The following EPRS1 variants were observed in gnomAD, a reference collection of about 807,000 sequenced individuals.
EPRS1 encodes bifunctional glutamate/proline--tRNA ligase.
In EPRS1, 107 loss-of-function variants were observed where a neutral mutation model predicts 188.3. The ratio of observed to expected loss-of-function variants is 0.57; its 90% confidence interval spans 0.49 to 0.67. The LOEUF (loss-of-function observed/expected upper bound fraction) is 0.67, where lower values mean the gene tolerates loss of function less well. Among genes scored for constraint, EPRS1 ranks in the 30% least tolerant of loss-of-function variants. The probability of loss-of-function intolerance (pLI) is 0.00; values close to 1 mark genes in which losing one functional copy is unlikely to be tolerated. For missense variants in EPRS1, 1,577 were observed against 1,802.2 expected (o/e 0.88, Z 2.26); for synonymous variants, 596 against 593.1 (o/e 1.00, Z -0.07).
In EPRS1 at chr1:220,022,329, T is replaced by A; in HGVS notation, c.1115+18A>T. 6.2e-7 allele frequency: 1 copy of A among 1,602,500 alleles called. No individual in the cohort carries two copies. Among genetic ancestry groups the A allele is most frequent in the Non-Finnish European group, 8.5e-7 (1 of 1,172,564 alleles). On this transcript the variant is annotated intron_variant, in intron 9 of 31. Coordinates refer to ENST00000366923, the MANE Select transcript of EPRS1 (RefSeq NM_004446.3). ...AAGCACAGATGGCTACCTAGCATATTGAAGGAGATATACTTACTTGTATTT... is the reference window on the plus strand; with the variant it reads ...AAGCACAGATGGCTACCTAGCATATAGAAGGAGATATACTTACTTGTATTT...
In EPRS1 at chr1:219,981,413, G is replaced by A. The variant is rs1660896465; in HGVS notation, c.3418C>T (p.Leu1140=). The change falls in exon 24 of 32, where the codon CTG becomes TTG. Residue 1140 remains leucine, a synonymous_variant. Transcript: ENST00000366923. Reference sequence around the variant, plus strand: ...CACCACTGATTGAGCTTGATGGGCAGGTCTCTGTGTGACTGTACCCATTTT... The same window carrying A: ...CACCACTGATTGAGCTTGATGGGCAAGTCTCTGTGTGACTGTACCCATTTT... ...YAKWVQSHRD[L]PIKLNQWCNV... 6.2e-7 allele frequency: 1 copy of A among 1,609,180 alleles called. No homozygotes were observed. The highest frequency in any genetic ancestry group is 8.5e-7 in the Non-Finnish European group (1 of 1,177,014).
Position 220,012,479 on chromosome 1 carries a change from C to A in EPRS1, c.1495-1423G>T, listed in dbSNP as rs76414077. Among the ~76,000 whole-genome samples, 252 of 152,332 alleles carry A rather than the reference C, an allele frequency of 1.7e-3. 5 individuals are homozygous for A. In the East Asian group the frequency reaches 0.038, roughly 23 times the overall value. ...GACTAATTTTAATCACCACTTGGGGCAGTTGTTAGCACAGATTCTGAGACA... is the reference window on the plus strand; with the variant it reads ...GACTAATTTTAATCACCACTTGGGGAAGTTGTTAGCACAGATTCTGAGACA... On this transcript the variant is annotated intron_variant, in intron 12 of 31. Transcript: ENST00000366923.
rs887347930 is a variant in EPRS1, at chr1:219,973,349, T to C, written c.4133A>G (p.Gln1378Arg). The change falls in exon 29 of 32, where the codon CAG (glutamine) becomes CGG (arginine). Residue 1378 changes from glutamine (Q) to arginine (R), a missense_variant. Around this residue, in one of 3 missense-constraint regions of EPRS1, gnomAD observed 296 missense variants for 327.9 expected, o/e 0.90. Transcript: ENST00000366923. ...AGTATCTCGTCTGACGGCTACAAACTGACAGCTCTTCATATCACGTGGCCC... is the reference window on the plus strand; with the variant it reads ...AGTATCTCGTCTGACGGCTACAAACCGACAGCTCTTCATATCACGTGGCCC... ...EVGPRDMKSC[Q>R]FVAVRRDTGE... The C allele has an allele frequency of 1.9e-6, 3 of 1,612,306 alleles. No individual in the cohort carries two copies. The highest frequency in any genetic ancestry group is 2.5e-6 in the Non-Finnish European group (3 of 1,179,612).
At chr1:219,971,801 T>TATATATATATATATATATATACACACAC (rs1357628193) in intron 30 of EPRS1, among the ~76,000 whole-genome samples, 1 of 144,074 alleles carries the variant, frequency 6.9e-6, no homozygotes, top group Non-Finnish European at 1.5e-5. Flanking sequence ...TATATACATA[T>TATATATATATATATATATATACACACAC]ACACACACAC....
chr1:220,009,789 T>C (rs1342111170), intron 13 of EPRS1, among the ~76,000 whole-genome samples: 1 of 152,198 alleles, frequency 6.6e-6, no homozygotes, highest in Non-Finnish European at 1.5e-5. Context: ...TCTATGGTAC[T>C]TGTATTTAAG....
intron 12 of EPRS1, among the ~76,000 whole-genome samples, chr1:220,012,138 C>CTCCTCATCTGCTAA: frequency 6.6e-6 from 1 of 152,148 alleles, no homozygotes; most frequent in Non-Finnish European, 1.5e-5. Flanking sequence ...TATTTAACTT[C>CTCCTCATCTGCTAA]TCCTCATCTG....
chr1:219,983,418 TC>T lies in EPRS1; in HGVS notation c.3091-21del. On this transcript the variant is annotated intron_variant, in intron 21 of 31. Coordinates refer to ENST00000366923, the MANE Select transcript of EPRS1 (RefSeq NM_004446.3). ...GATGACCTTTTTAAAAGAAAAATAG[TC>T]TTTAAAGCTTACATTGAACCAAAAT... 1 of 1,574,800 alleles carries T rather than the reference TC, an allele frequency of 6.4e-7. No individual in the cohort carries two copies. The highest frequency in any genetic ancestry group is 1.8e-5 in the Admixed American group (1 of 56,356).
intron 29 of EPRS1, 147 bp downstream of exon 29, chr1:219,973,091 C>A: frequency 7.8e-6 from 5 of 640,712 alleles, no homozygotes; most frequent in South Asian, 4.5e-5. Context: ...AGTAAAAAAC[C>A]CAGAGAGTGG....
chr1:220,008,347 AAG>A (rs1474080087), intron 13 of EPRS1, among the ~76,000 whole-genome samples: 2 of 152,214 alleles, frequency 1.3e-5, no homozygotes, highest in South Asian at 2.1e-4. Context: ...TGGAAAGAAA[AAG>A]AGATGCGGAG....
intron 29 of EPRS1, among the ~76,000 whole-genome samples, chr1:219,972,940 C>T (rs1202207920): frequency 2.0e-5 from 3 of 152,194 alleles, no homozygotes; most frequent in Non-Finnish European, 2.9e-5. Context: ...CAGCAGATGA[C>T]AGTCAATGCC....
chr1:220,003,133 C>A (rs561392545), intron 16 of EPRS1, among the ~76,000 whole-genome samples: 2 of 152,296 alleles, frequency 1.3e-5, no homozygotes, highest in South Asian at 4.1e-4. Flanking sequence ...ACATTTCTAA[C>A]CCTTGTTATT....
Position 220,006,208 on chromosome 1 carries a change from A to C in EPRS1, c.1848T>G (p.Ala616=). The change falls in exon 15 of 32, where the codon GCT becomes GCG. Residue 616 remains alanine (A), a synonymous_variant. Transcript: ENST00000366923. ...KVTWLAETTH[A]LPIPVICVTY... ...TGACACAGATTACTGGAATAGGAAG[A>C]GCATGTGTAGTCTCTGCAAGCCAAG... The C allele has an allele frequency of 1.2e-6, 2 of 1,606,368 alleles. No homozygotes were observed. The highest frequency in any genetic ancestry group is 1.1e-5 in the South Asian group (1 of 90,384).
Position 220,025,130 on chromosome 1 carries a change from A to G in EPRS1, c.750+2T>C. 2.5e-6 allele frequency: 4 copies of G among 1,612,590 alleles called. No homozygotes were observed. The highest frequency in any genetic ancestry group is 3.4e-6 in the Non-Finnish European group (4 of 1,178,928). Reference sequence around the variant, plus strand: ...AAGGGTCATCACTACACTTTTAATTACCTTCTCAAAATCTTCCTTTTCTTT... The same window carrying G: ...AAGGGTCATCACTACACTTTTAATTGCCTTCTCAAAATCTTCCTTTTCTTT... On this transcript the variant is annotated splice_donor_variant, in intron 7 of 31. Coordinates refer to ENST00000366923, the MANE Select transcript of EPRS1 (RefSeq NM_004446.3). LOFTEE classifies it high-confidence loss of function.
intron 10 of EPRS1, 51 bp from the exon 11 acceptor site, chr1:220,019,130 G>T: frequency 2.8e-6 from 3 of 1,069,136 alleles, no homozygotes; most frequent in Non-Finnish European, 4.4e-6. Flanking sequence ...ATGTGTAGAT[G>T]TGGAGAGTAG....
At chr1:219,973,116 T>C in intron 29 of EPRS1, 122 bp downstream of exon 29, 1 of 753,216 alleles carries the variant, frequency 1.3e-6, no homozygotes, top group Non-Finnish European at 2.2e-6. Flanking sequence ...TTAAGTAGCA[T>C]GGGGGTTCAG....
chr1:219,995,644 T>C (rs1034979648), intron 18 of EPRS1, among the ~76,000 whole-genome samples: 3 of 152,212 alleles, frequency 2.0e-5, no homozygotes, highest in South Asian at 2.1e-4. Flanking sequence ...AACTGTGGTT[T>C]TTGCCATTAA....
rs35578666 is a variant in EPRS1 at position 220,034,921 on chromosome 1, T to C, written c.224A>G (p.His75Arg). Residue 75 changes from histidine to arginine, a missense_variant, in exon 3 of 32, where the codon CAT becomes CGT. His to Arg is a conservative substitution (Grantham distance 29). Transcript: ENST00000366923. ...AGLYGSNLME[H>R]TEIDHWLEFS... ...AAAATGTTCATTGCTTACCTCAGTA[T>C]GTTCCATCAGATTAGAGCCATATAA... is the stretch of plus-strand genomic sequence containing the variant. The C allele has an allele frequency of 3.8e-6, 6 of 1,571,504 alleles. No individual in the cohort carries two copies. Among genetic ancestry groups the C allele is most frequent in the Non-Finnish European group, 5.3e-6 (6 of 1,141,440 alleles).
chr1:219,972,260 C>A, intron 29 of EPRS1, 113 bp from the exon 30 acceptor site: 2 of 593,022 alleles, frequency 3.4e-6, no homozygotes, highest in South Asian at 5.2e-5. Context: ...GAGAAGGACT[C>A]AATTTGAATC....
chr1:219,984,685 A>C (rs1660970137), intron 20 of EPRS1, among the ~76,000 whole-genome samples: 1 of 152,048 alleles, frequency 6.6e-6, no homozygotes, highest in Non-Finnish European at 1.5e-5. Flanking sequence ...GGCCTCCCAG[A>C]GTGCTGGGAT....
Sources: allele counts gnomAD v4.1 joint callset (sites outside exome capture counted in the v4.1 genomes callset), GRCh38; gene constraint gnomAD v4.1.1; regional missense constraint gnomAD v4.1.1; transcripts MANE v1.5; gene names NCBI Gene and HGNC (gene_info 2026-07-23, HGNC 2026-07-21).